The following CCDC93 variants were observed in gnomAD, a reference collection of about 807,000 sequenced individuals.
The protein encoded by CCDC93 is CCC complex scaffolding subunit CCDC93, also known as coiled-coil domain-containing protein 93.
CCDC93 carries 61 observed loss-of-function variants against 108.2 expected under a neutral mutation model. The ratio of observed to expected loss-of-function variants is 0.56; its 90% CI spans 0.46 to 0.70. The LOEUF is 0.70. CCDC93 is among the 30% of genes least tolerant of loss of function. CCDC93 has a pLI of 0.00. For missense variants in CCDC93, 685 were observed against 764.2 expected, an observed-to-expected ratio of 0.90 and a Z score of 1.22; for synonymous variants, 276 against 260.4, an observed-to-expected ratio of 1.06 and a Z score of -0.58.
intron 11 of CCDC93, among the ~76,000 whole-genome samples, chr2:117,968,272 G>A (rs539906463): frequency 6.6e-6 from 1 of 152,324 alleles, no homozygotes; most frequent in Admixed American, 6.5e-5. Flanking sequence ...AGCTTAGGGG[G>A]TTGCAGGGCG....
chr2:118,011,752 G>A (rs59262357), intron 1 of CCDC93, among the ~76,000 whole-genome samples: 2 of 152,262 alleles, frequency 1.3e-5, no homozygotes, highest in African/African-American at 4.8e-5. Context: ...CAGATGCAGG[G>A]CCCAGGCTTC....
chr2:118,013,868 C>T, intron 1 of CCDC93, 86 bp downstream of exon 1: 1 of 1,280,058 alleles, frequency 7.8e-7, no homozygotes. Flanking sequence ...CCCTAACGCA[C>T]CCAGGGCCCG....
rs185227380 is a variant in CCDC93 at position 117,981,770 on chromosome 2, T to C, written c.621-3740A>G. 1.5e-4 allele frequency among the ~76,000 whole-genome samples: 23 copies of C among 152,322 alleles called. No homozygotes were observed. In the East Asian group the frequency reaches 4.2e-3, roughly 28 times the overall value. ...AAATTTAACTTAATTAAAATCAAAATTCTGTTCCTGAGCCACACTAGTCGC... is the reference window on the plus strand; with the variant it reads ...AAATTTAACTTAATTAAAATCAAAACTCTGTTCCTGAGCCACACTAGTCGC... On this transcript the variant is annotated intron_variant, in intron 7 of 23. Coordinates refer to ENST00000376300, the MANE Select transcript of CCDC93 (RefSeq NM_019044.5).
At chr2:118,002,627 T>C (rs1467997052) in intron 3 of CCDC93, among the ~76,000 whole-genome samples, 2 of 152,148 alleles carry the variant, frequency 1.3e-5, no homozygotes, top group Non-Finnish European at 2.9e-5. Context: ...CACACATTCA[T>C]AGAAGAGAGG....
intron 7 of CCDC93, among the ~76,000 whole-genome samples, chr2:117,978,627 A>C (rs1680016490): frequency 6.6e-6 from 1 of 152,236 alleles, no homozygotes; most frequent in South Asian, 2.1e-4. Context: ...AACCCTCAAC[A>C]AAAAGCAAAA....
At chr2:118,010,285 A>G (rs1281019351) in intron 1 of CCDC93, among the ~76,000 whole-genome samples, 1 of 152,162 alleles carries the variant, frequency 6.6e-6, no homozygotes, top group African/African-American at 2.4e-5. Context: ...AAAATTTTTA[A>G]TTTATATCCT....
rs189498916 is a variant in CCDC93, at chr2:117,987,306, C to T, written c.520-1237G>A. Among the ~76,000 whole-genome samples the T allele has an allele frequency of 1.4e-3, 211 of 152,286 alleles. 1 individual carries two copies. Among genetic ancestry groups the T allele is most frequent in the Non-Finnish European group, 2.7e-3 (181 of 68,022 alleles). ...TTTGTCCAAGATCCCTGGGACACTACGCGGCCTAGCCCTAGGTAACCTGGT... is the reference window on the plus strand; with the variant it reads ...TTTGTCCAAGATCCCTGGGACACTATGCGGCCTAGCCCTAGGTAACCTGGT... On this transcript the variant is annotated intron_variant, in intron 6 of 23. Transcript: ENST00000376300.
intron 2 of CCDC93, among the ~76,000 whole-genome samples, chr2:118,007,099 G>T (rs1231045677): frequency 1.3e-5 from 2 of 152,212 alleles, no homozygotes; most frequent in Non-Finnish European, 2.9e-5. Flanking sequence ...TTGAAATGTG[G>T]CTGGCATGAC....
At chr2:117,950,369 A>G (rs1221566576) in intron 13 of CCDC93, 2 of 985,326 alleles carry the variant, frequency 2.0e-6, no homozygotes, top group Non-Finnish European at 2.4e-6. Context: ...CATAAAAACA[A>G]TCAGCCTCAC....
intron 8 of CCDC93, among the ~76,000 whole-genome samples, chr2:117,975,690 T>C (rs1277709898): frequency 6.6e-6 from 1 of 152,216 alleles, no homozygotes; most frequent in African/African-American, 2.4e-5. Flanking sequence ...TCTGTATAAA[T>C]TAACACAACA....
intron 1 of CCDC93, among the ~76,000 whole-genome samples, chr2:118,011,274 A>G (rs1477389269): frequency 6.6e-6 from 1 of 152,336 alleles, no homozygotes; most frequent in South Asian, 2.1e-4. Context: ...GTTAATACAG[A>G]ATTATTAAAG....
intron 3 of CCDC93, among the ~76,000 whole-genome samples, chr2:118,003,520 C>T (rs1676773875): frequency 6.6e-6 from 1 of 152,126 alleles, no homozygotes; most frequent in South Asian, 2.1e-4. Context: ...GAGGAGAGCT[C>T]CCTCTTGTGG....
At chr2:117,938,044 CAA>C (rs1558772575) in intron 20 of CCDC93, among the ~76,000 whole-genome samples, 1 of 152,208 alleles carries the variant, frequency 6.6e-6, no homozygotes, top group Non-Finnish European at 1.5e-5. Context: ...TACAAGGTGA[CAA>C]AATGAAAACA....
intron 4 of CCDC93, chr2:117,996,583 G>C (rs182463285): frequency 3.8e-4 from 161 of 424,806 alleles, no homozygotes; most frequent in Middle Eastern, 3.3e-3. Context: ...CCGTGCAGGA[G>C]CTTTAAAGCC....
chr2:117,938,129 C>G (rs540774368), intron 20 of CCDC93, among the ~76,000 whole-genome samples: 2 of 152,296 alleles, frequency 1.3e-5, no homozygotes, highest in African/African-American at 4.8e-5. Context: ...GTGTAAGGAA[C>G]TTTACATTTT....
At chr2:117,998,517 C>T (rs900378627) in intron 4 of CCDC93, 20 of 152,090 alleles carry the variant, frequency 1.3e-4, no homozygotes, top group African/African-American at 4.8e-4. Flanking sequence ...AGGTGGCAAC[C>T]CTAGGCCAAT....
intron 16 of CCDC93, among the ~76,000 whole-genome samples, chr2:117,945,963 G>C (rs967994077): frequency 6.6e-6 from 1 of 152,210 alleles, no homozygotes; most frequent in African/African-American, 2.4e-5. Flanking sequence ...CAACAGGAGA[G>C]GTGGACTGTG....
intron 22 of CCDC93, among the ~76,000 whole-genome samples, chr2:117,934,287 A>G (rs1234677579): frequency 3.3e-5 from 5 of 152,132 alleles, no homozygotes; most frequent in African/African-American, 1.2e-4. Context: ...CGTCTAACAC[A>G]CTGACACCTG....
chr2:117,993,776 C>A (rs530027769), intron 6 of CCDC93, among the ~76,000 whole-genome samples: 44 of 152,320 alleles, frequency 2.9e-4, no homozygotes, highest in East Asian at 5.8e-4. Context: ...CTCTGTCGCC[C>A]AGTCTGGAGT....
Sources: gnomAD v4.1 joint callset for allele counts (sites outside exome capture counted in the v4.1 genomes callset) on GRCh38, gnomAD v4.1.1 for gene constraint, MANE v1.5 for transcripts, NCBI Gene and HGNC (gene_info 2026-07-23, HGNC 2026-07-21) for gene names.